Variants in CSMD1 observed in about 807,000 individuals in gnomAD.
CSMD1 encodes CUB and Sushi multiple domains 1, also known as CUB and sushi domain-containing protein 1.
In CSMD1, 213 loss-of-function variants were observed where a neutral mutation model predicts 417.5. The observed-to-expected ratio is 0.51, with a 90% CI of 0.46 to 0.57. CSMD1 has a LOEUF of 0.57. Ranked by LOEUF, CSMD1 falls within the 20% of genes least tolerant of loss-of-function variation. The probability of loss-of-function intolerance (pLI) is 0.00; values close to 1 mark genes in which losing one functional copy is unlikely to be tolerated. For synonymous variants in CSMD1, 2,862 were observed against 1,736.8 expected (o/e 1.65, Z -16.11); for missense variants, 6,923 against 4,529.7 (o/e 1.53, Z -15.17).
intron 3 of CSMD1, among the ~76,000 whole-genome samples, chr8:4,397,182 G>A (rs1465242926): frequency 6.6e-6 from 1 of 152,000 alleles, no homozygotes; most frequent in Non-Finnish European, 1.5e-5. Context: ...TGATCAACAT[G>A]TATGTGTTTG....
intron 3 of CSMD1, among the ~76,000 whole-genome samples, chr8:4,125,549 G>C (rs1802714985): frequency 6.6e-6 from 1 of 152,168 alleles, no homozygotes; most frequent in Non-Finnish European, 1.5e-5. Flanking sequence ...CCTCAACTTT[G>C]TTAAAAATAA....
At chr8:3,477,053 T>C (rs1358721993) in intron 11 of CSMD1, among the ~76,000 whole-genome samples, 1 of 152,128 alleles carries the variant, frequency 6.6e-6, no homozygotes, top group Non-Finnish European at 1.5e-5. Context: ...GTTACACAGA[T>C]CTATACATGT....
At chr8:3,730,552 C>T (rs369376660) in intron 6 of CSMD1, among the ~76,000 whole-genome samples, 4 of 152,140 alleles carry the variant, frequency 2.6e-5, no homozygotes, top group South Asian at 2.1e-4. Context: ...GAGGAAAGTG[C>T]TACCGCCAAT....
intron 7 of CSMD1, among the ~76,000 whole-genome samples, chr8:3,698,384 C>G (rs2469377): frequency 0.13 from 19,825 of 152,158 alleles, 1,669 homozygotes; most frequent in African/African-American, 0.24. Flanking sequence ...ATGGAGCAAA[C>G]TAGATTAGAG....
intron 5 of CSMD1, among the ~76,000 whole-genome samples, chr8:3,970,911 T>C (rs1813038052): frequency 1.3e-5 from 2 of 152,022 alleles, no homozygotes; most frequent in South Asian, 4.1e-4. Context: ...GCCACCATGC[T>C]CCGCTAATTT....
At chr8:4,075,851 C>G (rs1007385026) in intron 3 of CSMD1, among the ~76,000 whole-genome samples, 1 of 152,148 alleles carries the variant, frequency 6.6e-6, no homozygotes, top group Non-Finnish European at 1.5e-5. Flanking sequence ...CTATTGTCCT[C>G]AGGGAGCCAG....
intron 10 of CSMD1, among the ~76,000 whole-genome samples, chr8:3,509,229 G>A (rs998659255): frequency 1.3e-5 from 2 of 152,146 alleles, no homozygotes; most frequent in African/African-American, 2.4e-5. Context: ...ATATTATCTG[G>A]ACCCCTTTAC....
chr8:4,395,229 C>G (rs1171198255), intron 3 of CSMD1, among the ~76,000 whole-genome samples: 1 of 152,176 alleles, frequency 6.6e-6, no homozygotes, highest in Non-Finnish European at 1.5e-5. Context: ...GTTTTCTCCT[C>G]CCAACTGTTT....
At chr8:3,763,878 A>G (rs1198146650) in intron 5 of CSMD1, among the ~76,000 whole-genome samples, 1 of 152,042 alleles carries the variant, frequency 6.6e-6, no homozygotes, top group Non-Finnish European at 1.5e-5. Context: ...AGACCTCAGC[A>G]CCCCTGACTG....
Position 3,117,731 on chromosome 8 carries a change from A to C in CSMD1, c.6430+668T>G, listed in dbSNP as rs141980199. On this transcript the variant is annotated intron_variant, in intron 42 of 69. Coordinates refer to ENST00000635120, the MANE Select transcript of CSMD1 (RefSeq NM_033225.6). ...TTCCTGCTCAGAAAAAGGACGTCTA[A>C]AGAGACCAGGTCCTCTGTTGCACCA... Among the ~76,000 whole-genome samples, 530 of 152,314 alleles carry C rather than the reference A, an allele frequency of 3.5e-3. 11 individuals are homozygous for C. The East Asian group carries it at 0.05, about 14-fold the overall frequency.
intron 1 of CSMD1, among the ~76,000 whole-genome samples, chr8:4,818,033 A>G (rs1410286511): frequency 6.6e-6 from 1 of 152,176 alleles, no homozygotes; most frequent in East Asian, 1.9e-4. Context: ...CGTCACAGTG[A>G]CCAGCACTTT....
intron 1 of CSMD1, among the ~76,000 whole-genome samples, chr8:4,843,390 CTTCA>C (rs1338556952): frequency 6.6e-6 from 1 of 152,052 alleles, no homozygotes; most frequent in African/African-American, 2.4e-5. Flanking sequence ...CTTAAGAACC[CTTCA>C]TTGTTTTCAT....
chr8:4,535,445 T>A (rs545120335), intron 2 of CSMD1, among the ~76,000 whole-genome samples: 1 of 152,282 alleles, frequency 6.6e-6, no homozygotes, highest in East Asian at 1.9e-4. Flanking sequence ...TAGATTTGCT[T>A]TGCAATCATT....
chr8:3,541,991 C>T (rs1049708160), intron 10 of CSMD1, among the ~76,000 whole-genome samples: 31 of 151,876 alleles, frequency 2.0e-4, no homozygotes, highest in South Asian at 6.3e-4. Context: ...TCTCCAGTCT[C>T]GGCAACAGGG....
At chr8:4,920,062 G>T (rs914559053) in intron 1 of CSMD1, among the ~76,000 whole-genome samples, 1 of 152,158 alleles carries the variant, frequency 6.6e-6, no homozygotes, top group African/African-American at 2.4e-5. Context: ...TAAGACAGTA[G>T]AGGAAAATAA....
intron 1 of CSMD1, among the ~76,000 whole-genome samples, chr8:4,671,877 G>A (rs556943123): frequency 2.0e-5 from 3 of 152,166 alleles, no homozygotes; most frequent in East Asian, 1.9e-4. Context: ...TCTTAAAAAC[G>A]AGAAGATAGA....
intron 3 of CSMD1, among the ~76,000 whole-genome samples, chr8:4,339,752 A>G (rs1333254343): frequency 6.6e-6 from 1 of 152,128 alleles, no homozygotes; most frequent in African/African-American, 2.4e-5. Context: ...AGCTGAGTGC[A>G]GGGGCTTACA....
intron 6 of CSMD1, among the ~76,000 whole-genome samples, chr8:3,718,619 C>A (rs753921794): frequency 1.3e-5 from 2 of 152,154 alleles, no homozygotes; most frequent in Non-Finnish European, 2.9e-5. Flanking sequence ...TATAGTATTA[C>A]ATGAATCATT....
chr8:4,850,760 T>G (rs1801426799), intron 1 of CSMD1, among the ~76,000 whole-genome samples: 1 of 152,010 alleles, frequency 6.6e-6, no homozygotes. Context: ...TCAATTTTCT[T>G]TCAACCCCAA....
Sources: gnomAD v4.1 joint callset for allele counts (sites outside exome capture counted in the v4.1 genomes callset) on GRCh38, gnomAD v4.1.1 for gene constraint, MANE v1.5 for transcripts, NCBI Gene and HGNC (gene_info 2026-07-23, HGNC 2026-07-21) for gene names.